Variants in CDH13 observed in about 807,000 individuals in gnomAD.
CDH13 encodes the protein cadherin 13.
A neutral mutation model predicts 63.8 loss-of-function variants in CDH13; 24 were observed. The observed-to-expected ratio is 0.38, with a 90% CI of 0.27 to 0.53. The LOEUF (loss-of-function observed/expected upper bound fraction) is 0.53, where lower values mean the gene tolerates loss of function less well. CDH13 is among the 20% of genes least tolerant of loss of function. CDH13 has a pLI of 0.85. For synonymous variants in CDH13, 503 were observed against 355.3 expected (o/e 1.42, Z -4.67); for missense variants, 1,049 against 903.1 (o/e 1.16, Z -2.07).
intron 10 of CDH13, among the ~76,000 whole-genome samples, chr16:83,743,748 C>CTTTTTTCTTTTTT (rs1912281994): frequency 5.0e-4 from 38 of 76,256 alleles, no homozygotes; most frequent in African/African-American, 2.0e-3. Context: ...TTTCTTTTTT[C>CTTTTTTCTTTTTT]TTTTTTTTTT....
intron 2 of CDH13, among the ~76,000 whole-genome samples, chr16:83,026,468 C>T (rs755685898): frequency 4.6e-5 from 7 of 151,932 alleles, no homozygotes; most frequent in Non-Finnish European, 7.4e-5. Flanking sequence ...ATATTTCCCC[C>T]ACAGGGGTGA....
chr16:82,896,332 C>T lies in CDH13; in HGVS notation c.157+37859C>T, dbSNP rs185309182. 7.6e-4 allele frequency among the ~76,000 whole-genome samples: 98 copies of T among 129,316 alleles called. No individual in the cohort carries two copies. In the Admixed American group the frequency reaches 9.0e-3, roughly 12 times the overall value. The allele number at this position is 129,316 out of a possible 152,430, so 84.8% of individuals were successfully genotyped here. On this transcript the variant is annotated intron_variant, in intron 2 of 13. Coordinates refer to ENST00000567109, the MANE Select transcript of CDH13 (RefSeq NM_001257.5). ...TTTGAAACAAGGTCTTCCTCTGTCT[C>T]CCAGGCTGGAGTGCAGTGGCGCTAT...
At chr16:82,867,117 A>G (rs968893225) in intron 2 of CDH13, among the ~76,000 whole-genome samples, 5 of 152,208 alleles carry the variant, frequency 3.3e-5, no homozygotes, top group Non-Finnish European at 2.9e-5. Context: ...CTTAGGGGAA[A>G]GGTACTCTCA....
chr16:83,319,176 A>C (rs897566358), intron 5 of CDH13, among the ~76,000 whole-genome samples: 8 of 152,160 alleles, frequency 5.3e-5, no homozygotes, highest in African/African-American at 1.9e-4. Flanking sequence ...ATAGAACTAT[A>C]ATTTAGAAAG....
chr16:83,543,784 T>C (rs796792848), intron 7 of CDH13, among the ~76,000 whole-genome samples: 4 of 152,246 alleles, frequency 2.6e-5, no homozygotes, highest in African/African-American at 9.6e-5. Flanking sequence ...CATCCTACAG[T>C]ACATAACACA....
chr16:83,506,892 A>G (rs1436318080), intron 7 of CDH13, among the ~76,000 whole-genome samples: 3 of 152,212 alleles, frequency 2.0e-5, no homozygotes, highest in African/African-American at 4.8e-5. Flanking sequence ...GCCCCCATCA[A>G]GCTTTTAGAT....
intron 2 of CDH13, among the ~76,000 whole-genome samples, chr16:82,897,928 T>G (rs956190315): frequency 6.6e-6 from 1 of 152,256 alleles, no homozygotes; most frequent in Non-Finnish European, 1.5e-5. Flanking sequence ...GTCCATGGAC[T>G]AAGTGTTAAT....
At chr16:83,426,726 A>C (rs568257955) in intron 6 of CDH13, among the ~76,000 whole-genome samples, 1 of 151,882 alleles carries the variant, frequency 6.6e-6, no homozygotes, top group African/African-American at 2.4e-5. Context: ...GATAGTCCTC[A>C]TTCTCCCTAA....
intron 3 of CDH13, among the ~76,000 whole-genome samples, chr16:83,110,000 G>A (rs1426412051): frequency 6.6e-6 from 1 of 152,200 alleles, no homozygotes. Context: ...TTCATCCAAA[G>A]CGTATGTTTT....
At chr16:82,971,084 C>T (rs1908672212) in intron 2 of CDH13, among the ~76,000 whole-genome samples, 1 of 152,198 alleles carries the variant, frequency 6.6e-6, no homozygotes, top group Non-Finnish European at 1.5e-5. Flanking sequence ...GAAGAACAAA[C>T]ACATTCTGAG....
intron 10 of CDH13, among the ~76,000 whole-genome samples, chr16:83,706,531 T>C (rs1364119): frequency 0.61 from 92,536 of 151,900 alleles, 28,825 homozygotes; most frequent in Middle Eastern, 0.73. Flanking sequence ...TCATTGCTCA[T>C]TAGCTCTGTG....
At chr16:83,267,678 C>A (rs1049938649) in intron 5 of CDH13, among the ~76,000 whole-genome samples, 6 of 152,130 alleles carry the variant, frequency 3.9e-5, no homozygotes, top group Non-Finnish European at 8.8e-5. Context: ...CATATGATGC[C>A]TTTCACAACA....
intron 6 of CDH13, among the ~76,000 whole-genome samples, chr16:83,405,998 A>G (rs1464157743): frequency 6.6e-6 from 1 of 152,202 alleles, no homozygotes; most frequent in African/African-American, 2.4e-5. Flanking sequence ...CTGCAGCTGC[A>G]TTGGGCACTC....
intron 2 of CDH13, among the ~76,000 whole-genome samples, chr16:82,998,664 A>T (rs55673430): frequency 6.6e-6 from 1 of 152,146 alleles, no homozygotes; most frequent in African/African-American, 2.4e-5. Flanking sequence ...ATTAGCAGAC[A>T]TTGATCTTGT....
chr16:83,396,803 T>A (rs770726293), intron 6 of CDH13: 6 of 151,412 alleles, frequency 4.0e-5, no homozygotes, highest in Non-Finnish European at 8.8e-5. Context: ...GGAGCAGGAG[T>A]AGGGGGAGAC....
At chr16:83,375,928 G>T (rs548801705) in intron 6 of CDH13, among the ~76,000 whole-genome samples, 54 of 152,306 alleles carry the variant, frequency 3.5e-4, no homozygotes, top group Non-Finnish European at 6.9e-4. Flanking sequence ...CAGACGTCAT[G>T]CAGAGTGTAT....
At chr16:83,073,352 T>TGAGAGAGA (rs1185746074) in intron 3 of CDH13, among the ~76,000 whole-genome samples, 272 of 125,194 alleles carry the variant, frequency 2.2e-3, no homozygotes, top group African/African-American at 7.1e-3. Context: ...TGTGTGTGTG[T>TGAGAGAGA]GTGAGAGAGA....
chr16:83,147,292 A>G (rs1420874742), intron 4 of CDH13, among the ~76,000 whole-genome samples: 1 of 152,142 alleles, frequency 6.6e-6, no homozygotes, highest in Admixed American at 6.5e-5. Flanking sequence ...CCTTTCCTGA[A>G]GGTCCGTGTG....
At chr16:83,723,522 T>A (rs530561988) in intron 10 of CDH13, among the ~76,000 whole-genome samples, 1 of 152,148 alleles carries the variant, frequency 6.6e-6, no homozygotes, top group African/African-American at 2.4e-5. Context: ...GACTGTCTCC[T>A]TTTCACTTCA....
Sources: allele counts gnomAD v4.1 joint callset (sites outside exome capture counted in the v4.1 genomes callset), GRCh38; gene constraint gnomAD v4.1.1; transcripts MANE v1.5; gene names NCBI Gene and HGNC (gene_info 2026-07-23, HGNC 2026-07-21).